The following EYS variants were observed in gnomAD, a reference collection of about 807,000 sequenced individuals.
The protein encoded by EYS is EGF-like photoreceptor maintenance factor, also known as protein eyes shut homolog.
EYS carries 250 observed loss-of-function variants against 282.1 expected under a neutral mutation model. The ratio of observed to expected loss-of-function variants is 0.89; its 90% CI spans 0.80 to 0.98. EYS has a LOEUF of 0.98. Among genes scored for constraint, EYS ranks in the 50% least tolerant of loss-of-function variants. EYS has a pLI of 0.00. For synonymous variants in EYS, 1,355 were observed against 1,282.9 expected, an observed-to-expected ratio of 1.06 and a Z score of -1.20; for missense variants, 4,016 against 3,709.0, an observed-to-expected ratio of 1.08 and a Z score of -2.15.
intron 31 of EYS, among the ~76,000 whole-genome samples, chr6:64,138,042 A>G (rs1244357442): frequency 6.6e-6 from 1 of 152,192 alleles, no homozygotes; most frequent in African/African-American, 2.4e-5. Context: ...GCACTTAGAA[A>G]TGATAATTAA....
intron 2 of EYS, among the ~76,000 whole-genome samples, chr6:65,496,575 G>C (rs1056457268): frequency 3.3e-5 from 5 of 152,166 alleles, no homozygotes; most frequent in Non-Finnish European, 5.9e-5. Flanking sequence ...TAGGCAACCT[G>C]AGATTTAATT....
At chr6:65,194,660 C>T (rs1245795563) in intron 12 of EYS, among the ~76,000 whole-genome samples, 2 of 151,826 alleles carry the variant, frequency 1.3e-5, no homozygotes, top group African/African-American at 4.8e-5. Flanking sequence ...ATTGAAGGGC[C>T]TGTATCCCAA....
In EYS at chr6:64,303,445, A is replaced by G. The variant is rs182580472; in HGVS notation, c.6191+3525T>C. On this transcript the variant is annotated intron_variant, in intron 30 of 42. Coordinates refer to ENST00000503581, the MANE Select transcript of EYS (RefSeq NM_001142800.2). ...TGTACTCTTCAATCAACAAAGCCTG[A>G]TGCAAAATAACAGAAAAGGGGGAGA... Among the ~76,000 whole-genome samples, 223 of 152,326 alleles carry G rather than the reference A, an allele frequency of 1.5e-3. 3 individuals are homozygous for G. Among genetic ancestry groups the G allele is most frequent in the East Asian group, 0.012 (61 of 5,166 alleles).
In EYS at chr6:63,864,366, G is replaced by A. The variant is rs746624126; in HGVS notation, c.7056-8C>T. 6.5e-6 allele frequency: 10 copies of A among 1,546,696 alleles called. No homozygotes were observed. The South Asian group carries it at 9.6e-5, about 15-fold the overall frequency. ...AACAGATTTTCATTATCACTGAGAAGGGAAAAAATTTAAAAATTCATTAGG... is the reference window on the plus strand; with the variant it reads ...AACAGATTTTCATTATCACTGAGAAAGGAAAAAATTTAAAAATTCATTAGG... On this transcript the variant is annotated splice_region_variant and splice_polypyrimidine_tract_variant and intron_variant, in intron 35 of 42. Transcript: ENST00000503581.
chr6:65,659,474 C>T (rs1018778082), intron 1 of EYS, among the ~76,000 whole-genome samples: 2 of 151,808 alleles, frequency 1.3e-5, no homozygotes, highest in Non-Finnish European at 1.5e-5. Context: ...ATGATTGAGA[C>T]CAAACTCAGA....
At position 65,170,322 on chromosome 6, in the gene EYS, T is replaced by C. The variant is rs557515465; in HGVS notation, c.2024-112595A>G. Among the ~76,000 whole-genome samples the C allele has an allele frequency of 2.0e-5, 3 of 151,664 alleles. No individual in the cohort carries two copies. In the East Asian group the frequency reaches 5.9e-4, roughly 30 times the overall value. On this transcript the variant is annotated intron_variant, in intron 12 of 42. Coordinates refer to ENST00000503581, the MANE Select transcript of EYS (RefSeq NM_001142800.2). ...TGAAATGAAAGGTACATGGAGTTTT[T>C]TGTCATATAGAAAAAAGAGGTTGAT...
chr6:65,508,161 T>G (rs1766727168), intron 2 of EYS, among the ~76,000 whole-genome samples: 1 of 152,192 alleles, frequency 6.6e-6, no homozygotes, highest in Non-Finnish European at 1.5e-5. Context: ...TGTCTGGTTT[T>G]GTTGTCCCTT....
intron 28 of EYS, among the ~76,000 whole-genome samples, chr6:64,410,092 T>C (rs1282730696): frequency 6.6e-6 from 1 of 152,036 alleles, no homozygotes; most frequent in Non-Finnish European, 1.5e-5. Flanking sequence ...TAAGATTTAA[T>C]AGGACTGTGT....
chr6:65,645,825 T>C (rs1767431153), intron 1 of EYS, among the ~76,000 whole-genome samples: 1 of 152,030 alleles, frequency 6.6e-6, no homozygotes, highest in Admixed American at 6.6e-5. Context: ...GTATGCTCAA[T>C]TAGAGATGAA....
intron 22 of EYS, among the ~76,000 whole-genome samples, chr6:64,750,214 A>T (rs1054472152): frequency 2.0e-5 from 3 of 152,214 alleles, no homozygotes; most frequent in Non-Finnish European, 1.5e-5. Context: ...TTATAATAAA[A>T]TAGAGAGCAA....
chr6:63,925,500 T>G (rs1174024089), intron 35 of EYS, among the ~76,000 whole-genome samples: 1 of 152,240 alleles, frequency 6.6e-6, no homozygotes, highest in African/African-American at 2.4e-5. Context: ...CACGTATTTC[T>G]GGTTTCTTTG....
At chr6:63,989,576 A>G (rs915041925) in intron 34 of EYS, among the ~76,000 whole-genome samples, 1 of 151,602 alleles carries the variant, frequency 6.6e-6, no homozygotes, top group African/African-American at 2.4e-5. Flanking sequence ...TTTAGGACAG[A>G]GCCTTCACCC....
chr6:65,124,139 C>G (rs564047249), intron 12 of EYS, among the ~76,000 whole-genome samples: 10 of 152,066 alleles, frequency 6.6e-5, no homozygotes, highest in Non-Finnish European at 1.3e-4. Flanking sequence ...TACCACTGTA[C>G]TCCAGCCTCA....
chr6:64,028,762 A>G (rs775907084), intron 33 of EYS, among the ~76,000 whole-genome samples: 50 of 152,110 alleles, frequency 3.3e-4, no homozygotes, highest in Admixed American at 6.5e-5. Flanking sequence ...TATGTGGATG[A>G]TTTACTTCTG....
At chr6:65,509,283 G>A (rs1236928940) in intron 2 of EYS, among the ~76,000 whole-genome samples, 1 of 151,998 alleles carries the variant, frequency 6.6e-6, no homozygotes, top group African/African-American at 2.4e-5. Flanking sequence ...TAAGATGGTT[G>A]GTGTAGAATT....
intron 30 of EYS, among the ~76,000 whole-genome samples, chr6:64,255,708 TGTAA>T (rs969380056): frequency 1.6e-4 from 25 of 152,180 alleles, no homozygotes; most frequent in African/African-American, 5.8e-4. Flanking sequence ...AGTATATATG[TGTAA>T]GTGTGTGTAT....
chr6:65,420,874 A>AT (rs535839118), intron 5 of EYS, among the ~76,000 whole-genome samples: 252 of 149,958 alleles, frequency 1.7e-3, no homozygotes, highest in South Asian at 0.013. Flanking sequence ...TGAAAGGAAT[A>AT]TTTTTTTTTT....
chr6:64,325,787 T>C (rs1036580185), intron 29 of EYS, among the ~76,000 whole-genome samples: 2 of 151,994 alleles, frequency 1.3e-5, no homozygotes, highest in African/African-American at 4.8e-5. Flanking sequence ...GTCTCAGCAA[T>C]ATAATTGAAC....
chr6:63,768,203 A>G (rs1242552515), intron 40 of EYS, among the ~76,000 whole-genome samples: 1 of 152,112 alleles, frequency 6.6e-6, no homozygotes, highest in African/African-American at 2.4e-5. Context: ...AGCAATTTCC[A>G]TAAAAACAAA....
Sources: gnomAD v4.1 joint callset for allele counts (sites outside exome capture counted in the v4.1 genomes callset) on GRCh38, gnomAD v4.1.1 for gene constraint, MANE v1.5 for transcripts, NCBI Gene and HGNC (gene_info 2026-07-23, HGNC 2026-07-21) for gene names.